CDH13: variants seen among roughly 807,000 people sequenced by gnomAD.
CDH13 encodes the protein cadherin 13.
CDH13 carries 24 observed loss-of-function variants against 63.8 expected under a neutral mutation model. That is an observed-to-expected ratio of 0.38 (90% CI 0.27 to 0.53). The LOEUF (loss-of-function observed/expected upper bound fraction) is 0.53. CDH13 is among the 20% of genes least tolerant of loss of function. The probability of loss-of-function intolerance (pLI) is 0.85; values close to 1 mark genes in which losing one functional copy is unlikely to be tolerated. For synonymous variants in CDH13, 503 were observed against 355.3 expected, an observed-to-expected ratio of 1.42 and a Z score of -4.67; for missense variants, 1,049 against 903.1, an observed-to-expected ratio of 1.16 and a Z score of -2.07.
intron 6 of CDH13, among the ~76,000 whole-genome samples, chr16:83,354,329 C>A (rs537189824): frequency 1.3e-5 from 2 of 152,150 alleles, no homozygotes; most frequent in Non-Finnish European, 2.9e-5. Context: ...TTTATAATTT[C>A]GGGGAAACCC....
chr16:82,676,721 C>G (rs897973795), intron 1 of CDH13, among the ~76,000 whole-genome samples: 1 of 152,106 alleles, frequency 6.6e-6, no homozygotes. Flanking sequence ...GCTATAAGAC[C>G]TTGCATGAGA....
chr16:83,127,506 G>T (rs1342588339), intron 4 of CDH13, among the ~76,000 whole-genome samples: 1 of 152,000 alleles, frequency 6.6e-6, no homozygotes, highest in Non-Finnish European at 1.5e-5. Flanking sequence ...GAGGCGGGAG[G>T]ATCACCCGAG....
chr16:83,366,852 A>T lies in CDH13; in HGVS notation c.781+21846A>T, dbSNP rs188674475. Among the ~76,000 whole-genome samples the T allele has an allele frequency of 2.2e-3, 330 of 152,238 alleles. 2 individuals are homozygous for T. Among genetic ancestry groups the T allele is most frequent in the African/African-American group, 7.5e-3 (313 of 41,530 alleles). On this transcript the variant is annotated intron_variant, in intron 6 of 13. Transcript: ENST00000567109. ...TCAAAAAAGTGTATAAATTGCCTTG[A>T]TTTATCACATACTGTGCGTAAGTTA...
intron 3 of CDH13, among the ~76,000 whole-genome samples, chr16:83,098,309 C>G (rs1157428040): frequency 6.6e-6 from 1 of 152,214 alleles, no homozygotes; most frequent in Non-Finnish European, 1.5e-5. Context: ...CTTTGCACTA[C>G]TGCTCCTCTG....
intron 1 of CDH13, among the ~76,000 whole-genome samples, chr16:82,683,765 G>A (rs1191813807): frequency 6.6e-6 from 1 of 152,192 alleles, no homozygotes; most frequent in Admixed American, 6.5e-5. Flanking sequence ...GAGAAAATGA[G>A]ACTCAAGCCA....
At chr16:83,430,608 A>G (rs568397827) in intron 6 of CDH13, among the ~76,000 whole-genome samples, 35 of 152,184 alleles carry the variant, frequency 2.3e-4, no homozygotes, top group Admixed American at 2.0e-3. Flanking sequence ...CTGCTTGAGC[A>G]TTTTCAGTGG....
intron 5 of CDH13, among the ~76,000 whole-genome samples, chr16:83,269,596 C>T (rs1249819020): frequency 2.0e-5 from 3 of 152,154 alleles, no homozygotes; most frequent in Non-Finnish European, 2.9e-5. Flanking sequence ...GATCACTCCA[C>T]CCCAAAAGAA....
At chr16:82,982,731 C>G (rs1363375472) in intron 2 of CDH13, among the ~76,000 whole-genome samples, 2 of 152,200 alleles carry the variant, frequency 1.3e-5, no homozygotes, top group Non-Finnish European at 2.9e-5. Flanking sequence ...CACACAAATA[C>G]AAGTAAACGC....
At chr16:82,923,920 T>G (rs570516733) in intron 2 of CDH13, among the ~76,000 whole-genome samples, 1 of 152,190 alleles carries the variant, frequency 6.6e-6, no homozygotes, top group Non-Finnish European at 1.5e-5. Context: ...CTGCAAATGA[T>G]CACAGAATTA....
chr16:83,681,621 C>T (rs1567511980), intron 10 of CDH13, among the ~76,000 whole-genome samples: 1 of 152,250 alleles, frequency 6.6e-6, no homozygotes, highest in Non-Finnish European at 1.5e-5. Context: ...CCCTCCACCC[C>T]TCTCCTCTCC....
intron 13 of CDH13, among the ~76,000 whole-genome samples, chr16:83,791,984 C>T (rs1361820772): frequency 1.3e-5 from 2 of 152,216 alleles, no homozygotes; most frequent in African/African-American, 2.4e-5. Flanking sequence ...AGTCAAAATA[C>T]AGTTTCCTTT....
At chr16:83,187,579 A>T (rs529654418) in intron 4 of CDH13, among the ~76,000 whole-genome samples, 4 of 151,932 alleles carry the variant, frequency 2.6e-5, no homozygotes, top group Middle Eastern at 3.4e-3. Context: ...GTGTTTTTTG[A>T]TGGGAGAAGC....
intron 11 of CDH13, among the ~76,000 whole-genome samples, chr16:83,766,076 C>T (rs1352665888): frequency 6.6e-6 from 1 of 152,174 alleles, no homozygotes; most frequent in Non-Finnish European, 1.5e-5. Flanking sequence ...CCTGATTATC[C>T]TCCCAGAATG....
At chr16:82,827,347 T>C (rs1256427403) in intron 1 of CDH13, among the ~76,000 whole-genome samples, 4 of 152,066 alleles carry the variant, frequency 2.6e-5, no homozygotes, top group African/African-American at 7.2e-5. Flanking sequence ...TCTAGAGGCA[T>C]TGGGTGTCTT....
At chr16:82,752,551 A>G (rs1379201534) in intron 1 of CDH13, among the ~76,000 whole-genome samples, 1 of 152,224 alleles carries the variant, frequency 6.6e-6, no homozygotes, top group African/African-American at 2.4e-5. Context: ...GAAACATGTG[A>G]CTTTTTACTT....
chr16:83,029,088 T>A (rs966402600), intron 2 of CDH13, among the ~76,000 whole-genome samples: 2 of 152,176 alleles, frequency 1.3e-5, no homozygotes, highest in African/African-American at 4.8e-5. Flanking sequence ...AAAGATTAAC[T>A]AAGGTGATGT....
At chr16:83,498,542 G>C (rs1457928934) in intron 7 of CDH13, among the ~76,000 whole-genome samples, 2 of 152,154 alleles carry the variant, frequency 1.3e-5, no homozygotes, top group Non-Finnish European at 2.9e-5. Context: ...CCATGTGTCA[G>C]TCCCTAGAAA....
At position 83,158,133 on chromosome 16, in the gene CDH13, G is replaced by C. The variant is rs182652432; in HGVS notation, c.483+32632G>C. 7.2e-3 allele frequency among the ~76,000 whole-genome samples: 1,100 copies of C among 152,100 alleles called. 7 individuals are homozygous for C. The highest frequency in any genetic ancestry group is 0.011 in the Non-Finnish European group (760 of 68,002). Reference sequence around the variant, plus strand: ...TAGGTAAATTCAGGGGATAAGATCAGGAAGAGTCCCTTCCTGAATCCAGGT... The same window carrying C: ...TAGGTAAATTCAGGGGATAAGATCACGAAGAGTCCCTTCCTGAATCCAGGT... On this transcript the variant is annotated intron_variant, in intron 4 of 13. Coordinates refer to ENST00000567109, the MANE Select transcript of CDH13 (RefSeq NM_001257.5).
At chr16:83,070,412 C>A (rs1452931741) in intron 3 of CDH13, among the ~76,000 whole-genome samples, 6 of 152,140 alleles carry the variant, frequency 3.9e-5, no homozygotes, top group Admixed American at 2.6e-4. Context: ...ATCTTCTTTT[C>A]TTCTTAAAGA....
Sources: allele counts gnomAD v4.1 joint callset (sites outside exome capture counted in the v4.1 genomes callset), GRCh38; gene constraint gnomAD v4.1.1; transcripts MANE v1.5; gene names NCBI Gene and HGNC (gene_info 2026-07-23, HGNC 2026-07-21).